Variants in HECW2 observed in about 807,000 individuals in gnomAD.
HECW2 encodes E3 ubiquitin-protein ligase HECW2.
A neutral mutation model predicts 175.2 loss-of-function variants in HECW2; 61 were observed. The ratio of observed to expected loss-of-function variants is 0.35; its 90% CI spans 0.28 to 0.43. The LOEUF (loss-of-function observed/expected upper bound fraction) is 0.43. Ranked by LOEUF, HECW2 falls within the 20% of genes least tolerant of loss-of-function variation. The pLI is 1.00. For missense variants in HECW2, 1,524 were observed against 2,000.5 expected, an observed-to-expected ratio of 0.76 and a Z score of 4.54; for synonymous variants, 671 against 731.0, an observed-to-expected ratio of 0.92 and a Z score of 1.32.
chr2:196,373,203 A>C (rs1389099118), intron 2 of HECW2, among the ~76,000 whole-genome samples: 2 of 152,256 alleles, frequency 1.3e-5, no homozygotes, highest in Non-Finnish European at 2.9e-5. Context: ...GGCTAGATGA[A>C]CTGGCCTCTG....
intron 21 of HECW2, among the ~76,000 whole-genome samples, chr2:196,233,746 C>G (rs1400478444): frequency 1.3e-5 from 2 of 152,158 alleles, no homozygotes; most frequent in Non-Finnish European, 2.9e-5. Context: ...GTGAATGTCT[C>G]TTTTTGGAAG....
At chr2:196,400,377 C>T (rs1269235042) in intron 2 of HECW2, among the ~76,000 whole-genome samples, 1 of 152,080 alleles carries the variant, frequency 6.6e-6, no homozygotes, top group African/African-American at 2.4e-5. Flanking sequence ...ATGACTAATG[C>T]CTGCATAACT....
intron 1 of HECW2, among the ~76,000 whole-genome samples, chr2:196,502,032 T>C (rs1290217247): frequency 6.6e-6 from 1 of 152,230 alleles, no homozygotes; most frequent in East Asian, 1.9e-4. Context: ...AATTTAACGT[T>C]CTTTAGTATG....
chr2:196,285,039 T>C (rs1575356593), intron 14 of HECW2, among the ~76,000 whole-genome samples: 1 of 152,328 alleles, frequency 6.6e-6, no homozygotes. Context: ...AATCTCATTT[T>C]TAAAAACATC....
chr2:196,239,873 T>C (rs915294579), intron 21 of HECW2: 1 of 152,302 alleles, frequency 6.6e-6, no homozygotes, highest in Non-Finnish European at 1.5e-5. Context: ...GGAAGAGTCA[T>C]GGAAGGCGGG....
At chr2:196,468,875 T>C (rs1048104492) in intron 1 of HECW2, among the ~76,000 whole-genome samples, 5 of 152,146 alleles carry the variant, frequency 3.3e-5, no homozygotes, top group Admixed American at 6.5e-5. Flanking sequence ...GCCAGTGTTG[T>C]TGAGATTTTT....
rs1575295241 is a variant in HECW2, at chr2:196,250,766, G to A, written c.3529+3154C>T. Reference sequence around the variant, plus strand: ...CACAAACCACTTTCCTTCCACTCACGTCCTGTGTCCTCTGCACATGTATGC... The same window carrying A: ...CACAAACCACTTTCCTTCCACTCACATCCTGTGTCCTCTGCACATGTATGC... On this transcript the variant is annotated intron_variant, in intron 19 of 28. Coordinates refer to ENST00000644978, the MANE Select transcript of HECW2 (RefSeq NM_001348768.2). Among the ~76,000 whole-genome samples, 2 of 151,916 alleles carry A rather than the reference G, an allele frequency of 1.3e-5. 1 individual carries two copies. The highest frequency in any genetic ancestry group is 4.2e-4 in the South Asian group (2 of 4,814).
intron 2 of HECW2, among the ~76,000 whole-genome samples, chr2:196,355,737 G>A (rs934633315): frequency 6.6e-6 from 1 of 152,238 alleles, no homozygotes; most frequent in Non-Finnish European, 1.5e-5. Context: ...AGGAGTAAAA[G>A]AGTCAAAGTC....
At chr2:196,232,290 T>G (rs1688088102) in intron 21 of HECW2, among the ~76,000 whole-genome samples, 1 of 152,230 alleles carries the variant, frequency 6.6e-6, no homozygotes. Flanking sequence ...GCTTTACCTC[T>G]GAGTATTTTA....
Position 196,433,126 on chromosome 2 carries a change from A to G in HECW2, c.292+6T>C. 1 of 1,596,826 alleles carries G rather than the reference A, an allele frequency of 6.3e-7. No homozygotes were observed. Among genetic ancestry groups the G allele is most frequent in the South Asian group, 1.1e-5 (1 of 89,476 alleles). On this transcript the variant is annotated splice_donor_region_variant and intron_variant, in intron 2 of 28. Transcript: ENST00000644978. ...GTCACATGCAAGTCCATTCCACTTG[A>G]CTCACCTATATGATAAAGTCCAATC...
intron 13 of HECW2, among the ~76,000 whole-genome samples, chr2:196,298,310 T>TA (rs1690894049): frequency 1.3e-5 from 2 of 152,014 alleles, no homozygotes; most frequent in African/African-American, 4.8e-5. Flanking sequence ...TCACAACCAT[T>TA]AGAGGGCAGT....
chr2:196,439,820 G>A (rs1695987777), intron 1 of HECW2, among the ~76,000 whole-genome samples: 1 of 152,150 alleles, frequency 6.6e-6, no homozygotes, highest in South Asian at 2.1e-4. Flanking sequence ...GATTATAACA[G>A]GAAGAAAACA....
rs1275817053 is a variant in HECW2 at position 196,579,258 on chromosome 2, CAGA to C, written c.-36+14247_-36+14249del. 5.3e-5 allele frequency among the ~76,000 whole-genome samples: 8 copies of C among 152,042 alleles called. No homozygotes were observed. The South Asian group carries it at 1.7e-3, about 32-fold the overall frequency. ...AAACACCTATGAAAATCTCCTCCTC[CAGA>C]AAAATATCAACAAGAGAATTAAAAT... is the stretch of plus-strand genomic sequence containing the variant. On this transcript the variant is annotated intron_variant, in intron 1 of 28. Coordinates refer to ENST00000644978, the MANE Select transcript of HECW2 (RefSeq NM_001348768.2).
intron 1 of HECW2, among the ~76,000 whole-genome samples, chr2:196,446,697 C>A (rs777442611): frequency 3.9e-5 from 6 of 152,176 alleles, no homozygotes; most frequent in Non-Finnish European, 7.4e-5. Flanking sequence ...CTGAGGTTAC[C>A]AACTGATGCT....
rs1689725990 is a variant in HECW2 at position 196,271,253 on chromosome 2, G to T, written c.3275C>A (p.Pro1092His). The change falls in exon 17 of 29, where the codon CCC becomes CAC. Residue 1092 changes from proline to histidine, a missense_variant. This residue lies in a region of HECW2 where 291 missense variants were observed against 412.2 expected (regional missense o/e 0.71). Transcript: ENST00000644978. ...NDKIVAFLRQ[P>H]NIFEILQERQ... ...CTCCTGTAGAATTTCAAAGATATTG[G>T]GTTGACGTAGAAATGCAACAATCTT... 1.9e-6 allele frequency: 3 copies of T among 1,611,010 alleles called. No homozygotes were observed. The African/African-American group carries it at 4.0e-5, about 22-fold the overall frequency.
In HECW2 at chr2:196,350,853, T is replaced by C. The variant is rs149981143; in HGVS notation, c.293-7089A>G. Among the ~76,000 whole-genome samples the C allele has an allele frequency of 4.5e-3, 682 of 152,336 alleles. 3 individuals are homozygous for C. Among genetic ancestry groups the C allele is most frequent in the Non-Finnish European group, 7.6e-3 (516 of 68,034 alleles). The stretch of plus-strand genomic sequence containing the variant: ...AGGAATGATTAGTCATCCTGGTGTC[T>C]GTGCTTGATTCATATGGTTCTGAGC... On this transcript the variant is annotated intron_variant, in intron 2 of 28. Coordinates refer to ENST00000644978, the MANE Select transcript of HECW2 (RefSeq NM_001348768.2).
rs111479762 is a variant in HECW2, at chr2:196,590,472, T to C, written c.-36+3036A>G. Among the ~76,000 whole-genome samples, 810 of 152,292 alleles carry C rather than the reference T, an allele frequency of 5.3e-3. 8 individuals are homozygous for C. The highest frequency in any genetic ancestry group is 0.018 in the African/African-American group (760 of 41,560). On this transcript the variant is annotated intron_variant, in intron 1 of 28. Transcript: ENST00000644978. The stretch of plus-strand genomic sequence containing the variant: ...CACCAAGCAAAACTGGTTCCAGTTT[T>C]TCCCAAGAAAGTAGTCAGCAATGCA...
intron 2 of HECW2, among the ~76,000 whole-genome samples, chr2:196,411,832 G>A (rs894687097): frequency 2.0e-5 from 3 of 152,158 alleles, no homozygotes; most frequent in Non-Finnish European, 2.9e-5. Context: ...CCAACATGGG[G>A]AAACCCCATC....
chr2:196,322,725 A>G, intron 6 of HECW2, 105 bp from the exon 7 acceptor site: 1 of 952,684 alleles, frequency 1.0e-6, no homozygotes, highest in Non-Finnish European at 1.6e-6. Context: ...CTAACAACAT[A>G]CAGAGTTCCA....
Sources: gnomAD v4.1 joint callset for allele counts (sites outside exome capture counted in the v4.1 genomes callset) on GRCh38, gnomAD v4.1.1 for gene constraint, gnomAD v4.1.1 regional missense constraint, MANE v1.5 for transcripts, NCBI Gene and HGNC (gene_info 2026-07-23, HGNC 2026-07-21) for gene names.